PANK2: variants seen among roughly 807,000 people sequenced by gnomAD.
PANK2 encodes pantothenate kinase 2.
In PANK2, 36 loss-of-function variants were observed where a neutral mutation model predicts 43.1. The observed-to-expected ratio is 0.84, with a 90% CI of 0.64 to 1.10. PANK2 has a LOEUF of 1.10. Ranked by LOEUF, PANK2 falls within the 50% of genes least tolerant of loss-of-function variation. PANK2 has a pLI of 0.00. For missense variants in PANK2, 576 were observed against 593.3 expected, an observed-to-expected ratio of 0.97 and a Z score of 0.30; for synonymous variants, 281 against 238.2, an observed-to-expected ratio of 1.18 and a Z score of -1.66.
intron 1 of PANK2, among the ~76,000 whole-genome samples, chr20:3,894,297 A>G (rs185340854): frequency 4.4e-4 from 65 of 147,322 alleles, no homozygotes; most frequent in African/African-American, 1.4e-3. Context: ...CTGGAGTGCA[A>G]TGGCGTGATC....
chr20:3,900,126 A>G (rs970209884), intron 1 of PANK2, among the ~76,000 whole-genome samples: 2 of 151,864 alleles, frequency 1.3e-5, no homozygotes, highest in African/African-American at 4.8e-5. Context: ...TGCTTGATAC[A>G]GTGGAGTAGC....
chr20:3,889,845 G>T (rs1293405105), intron 1 of PANK2, 117 bp downstream of exon 1: 1 of 1,535,256 alleles, frequency 6.5e-7, no homozygotes, highest in East Asian at 2.4e-5. Context: ...CCGCACGGTG[G>T]TCCCTCGTTG....
rs555591435 is a variant in PANK2, at chr20:3,927,711, G to C, written c.*4417G>C. The C allele has an allele frequency of 4.9e-4, 75 of 152,380 alleles. No homozygotes were observed. Among genetic ancestry groups the C allele is most frequent in the African/African-American group, 1.8e-3 (74 of 41,580 alleles). 9.4% of individuals were successfully genotyped at this position (152,380 alleles called of 1,614,324 possible). A position where few individuals can be genotyped will look rare whatever the true frequency, so the allele number is the denominator to read the frequency against. Reference sequence around the variant, plus strand: ...TAACACTTGCCACACCTGCTCCCCCGACCGGGGGCCTGGGAGGGAAGGGCA... The same window carrying C: ...TAACACTTGCCACACCTGCTCCCCCCACCGGGGGCCTGGGAGGGAAGGGCA... On this transcript the variant is annotated 3_prime_UTR_variant, in exon 7 of 7. Coordinates refer to ENST00000610179, the MANE Select transcript of PANK2 (RefSeq NM_001386393.1).
chr20:3,889,253 C>T (rs1358771537), upstream of PANK2: 3 of 1,612,746 alleles, frequency 1.9e-6, no homozygotes, highest in African/African-American at 1.3e-5. Context: ...TCTCATTGGA[C>T]GGAGGCACGG....
intron 4 of PANK2, among the ~76,000 whole-genome samples, chr20:3,913,365 C>T (rs535428257): frequency 1.6e-4 from 24 of 152,050 alleles, no homozygotes; most frequent in South Asian, 6.2e-4. Flanking sequence ...TTTTCTGAGA[C>T]GGCGTTTTAC....
At chr20:3,916,894 T>G (rs1207659565) in intron 4 of PANK2, 33 bp from the exon 5 acceptor site, 16 of 1,610,950 alleles carry the variant, frequency 9.9e-6, no homozygotes, top group Non-Finnish European at 1.3e-5. Context: ...TTGCTGTTGG[T>G]TTAGCAATGG....
chr20:3,912,463 G>A lies in PANK2; in HGVS notation c.911G>A (p.Gly304Glu), dbSNP rs1344582796. 6.2e-7 allele frequency: 1 copy of A among 1,614,020 alleles called. No homozygotes were observed. The change falls in exon 4 of 7, where the codon GGA becomes GAA. Residue 304 changes from glycine (G) to glutamate (E), a missense_variant. By Grantham distance (98) the Gly-to-Glu change is moderately conservative. Around this residue, in one of 2 missense-constraint regions of PANK2, gnomAD observed 544 missense variants for 528.9 expected, o/e 1.03. Coordinates refer to ENST00000610179, the MANE Select transcript of PANK2 (RefSeq NM_001386393.1). ...TTAATTGTTTTTAATCATAGTCTTG[G>A]AGGAGGAACTTTTTTTGGTCTCTGC...
chr20:3,907,419 G>A (rs1049781502), intron 1 of PANK2, among the ~76,000 whole-genome samples: 1 of 152,060 alleles, frequency 6.6e-6, no homozygotes, highest in Admixed American at 6.6e-5. Context: ...TTTGGGAACC[G>A]GTGTTAATGT....
chr20:3,895,723 A>G (rs1300803750), intron 1 of PANK2, among the ~76,000 whole-genome samples: 1 of 152,100 alleles, frequency 6.6e-6, no homozygotes, highest in Non-Finnish European at 1.5e-5. Context: ...AAACTTTTCT[A>G]AATTGCGGCT....
In PANK2 at chr20:3,889,771, C is replaced by G. The variant is rs553092160; in HGVS notation, c.298+43C>G. The stretch of plus-strand genomic sequence containing the variant: ...CGCCCTCCCGGCCCGCCCTGCCCCC[C>G]CTTCCGGCCCACCCTGTCCCCTTCC... On this transcript the variant is annotated intron_variant, in intron 1 of 6. Coordinates refer to ENST00000610179, the MANE Select transcript of PANK2 (RefSeq NM_001386393.1). 253 of 1,575,122 alleles carry G rather than the reference C, an allele frequency of 1.6e-4. 3 individuals are homozygous for G. In the South Asian group the frequency reaches 1.9e-3, roughly 12 times the overall value.
In PANK2 at chr20:3,929,748, TAGAAAGTC is replaced by T. The variant is rs773602836; in HGVS notation, c.*6456_*6463del. ...CTGATCTTGAGCATCCTGTCGCAGA[TAGAAAGTC>T]AATCAGAAAAATCTGGTTGTGCTCT... On this transcript the variant is annotated 3_prime_UTR_variant, in exon 7 of 7. Transcript: ENST00000610179. 15 of 152,240 alleles carry T rather than the reference TAGAAAGTC, an allele frequency of 9.9e-5. No homozygotes were observed. Among genetic ancestry groups the T allele is most frequent in the Non-Finnish European group, 1.9e-4 (13 of 68,040 alleles). The allele number at this position is 152,240 out of a possible 1,614,324, so 9.4% of individuals were successfully genotyped here.
At chr20:3,902,980 C>G (rs890073679) in intron 1 of PANK2, among the ~76,000 whole-genome samples, 9 of 85,072 alleles carry the variant, frequency 1.1e-4, no homozygotes, top group Admixed American at 5.3e-4. Context: ...TAGACACACA[C>G]ACACACACAC....
At chr20:3,904,260 A>G (rs1241142574) in intron 1 of PANK2, among the ~76,000 whole-genome samples, 2 of 152,014 alleles carry the variant, frequency 1.3e-5, no homozygotes, top group Non-Finnish European at 2.9e-5. Context: ...CAATTAGGAA[A>G]TTAACATGGA....
At chr20:3,890,081 C>A in intron 1 of PANK2, 1 of 555,366 alleles carries the variant, frequency 1.8e-6, no homozygotes, top group Middle Eastern at 3.7e-4. Flanking sequence ...CCTTTCCTCC[C>A]AAATCCTTTG....
In PANK2 at chr20:3,912,743, A is replaced by G. The variant is rs6116090; in HGVS notation, c.1082+109A>G. On this transcript the variant is annotated intron_variant, in intron 4 of 6. Coordinates refer to ENST00000610179, the MANE Select transcript of PANK2 (RefSeq NM_001386393.1). ...GAGATGGGCAGATCATGAGGTCAGG[A>G]GTTTGAGACCAGCCTGGCCAACATA... The G allele has an allele frequency of 3.6e-3, 4,367 of 1,203,908 alleles. 131 individuals carry two copies. The African/African-American group carries it at 0.059, about 16-fold the overall frequency. 74.6% of individuals were successfully genotyped at this position (1,203,908 alleles called of 1,614,324 possible).
rs11471571 is a variant in PANK2 at position 3,926,940 on chromosome 20, CAAAAAA to C, written c.*3662_*3667del. ...AGCCTGGGTGACAGCAAGACTGTCT[CAAAAAA>C]AAAAAAAAAAAAAAATCCGCTATTT... On this transcript the variant is annotated 3_prime_UTR_variant, in exon 7 of 7. Transcript: ENST00000610179. 9 of 108,430 alleles carry C rather than the reference CAAAAAA, an allele frequency of 8.3e-5. No individual in the cohort carries two copies. The highest frequency in any genetic ancestry group is 2.3e-4 in the African/African-American group (6 of 26,546). 6.7% of individuals were successfully genotyped at this position (108,430 alleles called of 1,614,324 possible). A position where few individuals can be genotyped will look rare whatever the true frequency, so the allele number is the denominator to read the frequency against.
At chr20:3,905,715 C>A (rs1438053310) in intron 1 of PANK2, among the ~76,000 whole-genome samples, 1 of 146,856 alleles carries the variant, frequency 6.8e-6, no homozygotes, top group African/African-American at 2.5e-5. Context: ...TAAACCCACA[C>A]CCTTTTTTTT....
Position 3,918,802 on chromosome 20 carries a change from C to G in PANK2, c.1332+6C>G, listed in dbSNP as rs2090602952. On this transcript the variant is annotated splice_donor_region_variant and intron_variant, in intron 6 of 6. Transcript: ENST00000610179. ...CACTTTTTTCGGAACACGAGGTAAGCTGACTTGTTCGTTGTGGTATATTAT... is the reference window on the plus strand; with the variant it reads ...CACTTTTTTCGGAACACGAGGTAAGGTGACTTGTTCGTTGTGGTATATTAT... The G allele has an allele frequency of 3.1e-6, 5 of 1,614,148 alleles. No individual in the cohort carries two copies. The East Asian group carries it at 1.1e-4, about 36-fold the overall frequency.
Position 3,895,484 on chromosome 20 carries a change from G to GTTTT in PANK2, c.298+5766_298+5769dup, listed in dbSNP as rs10630574. The stretch of plus-strand genomic sequence containing the variant: ...GGCGACAGAGGGAGACCCTGTCTCC[G>GTTTT]TTTTTTTTTTTTTCTTTTTTTTTTT... On this transcript the variant is annotated intron_variant, in intron 1 of 6. Transcript: ENST00000610179. Among the ~76,000 whole-genome samples the GTTTT allele has an allele frequency of 2.0e-4, 26 of 132,926 alleles. No homozygotes were observed. In the East Asian group the frequency reaches 2.0e-3, roughly 10 times the overall value. The allele number at this position is 132,926 out of a possible 152,430, so 87.2% of individuals were successfully genotyped here.
Sources: gnomAD v4.1 joint callset for allele counts (sites outside exome capture counted in the v4.1 genomes callset) on GRCh38, gnomAD v4.1.1 for gene constraint, gnomAD v4.1.1 regional missense constraint, MANE v1.5 for transcripts, NCBI Gene and HGNC (gene_info 2026-07-23, HGNC 2026-07-21) for gene names.